The following MDM2 variants were observed in gnomAD, a reference collection of about 807,000 sequenced individuals.
MDM2 encodes the protein MDM2 proto-oncogene.
MDM2 carries 11 observed loss-of-function variants against 64.3 expected under a neutral mutation model. The ratio of observed to expected loss-of-function variants is 0.17; its 90% CI spans 0.11 to 0.28. The LOEUF (loss-of-function observed/expected upper bound fraction) is 0.28, where lower values mean the gene tolerates loss of function less well. Among genes scored for constraint, MDM2 ranks in the 10% least tolerant of loss-of-function variants. MDM2 has a pLI of 1.00. For synonymous variants in MDM2, 194 were observed against 192.9 expected (o/e 1.01, Z -0.05); for missense variants, 388 against 577.1 (o/e 0.67, Z 3.36).
At chr12:68,814,554 A>ATTTTTT in intron 3 of MDM2, 1 of 340,018 alleles carries the variant, frequency 2.9e-6, no homozygotes, top group Non-Finnish European at 5.7e-6. Flanking sequence ...TAAGAATAGA[A>ATTTTTT]TTTTTTTTTT....
At position 68,816,815 on chromosome 12, in the gene MDM2, CT is replaced by C. The variant is rs2136121360; in HGVS notation, c.184del (p.Tyr62IlefsTer7). On this transcript the variant is annotated frameshift_variant, in exon 4 of 11. Coordinates refer to ENST00000258149, the MANE Select transcript of MDM2 (RefSeq NM_002392.6). LOFTEE classifies it high-confidence loss of function. ...QKDTYTMKEV[L>X]FYLGQYIMTK... ...AGAAATCATATTTGTATTTCAGGTT[CT>C]TTTTTATCTTGGCCAGTATATTATG... is the stretch of plus-strand genomic sequence containing the variant. The C allele has an allele frequency of 6.4e-7, 1 of 1,571,876 alleles. No individual in the cohort carries two copies. The highest frequency in any genetic ancestry group is 8.6e-7 in the Non-Finnish European group (1 of 1,163,066).
At position 68,844,282 on chromosome 12, in the gene MDM2, T is replaced by G. The variant is rs1314030412; in HGVS notation, c.*4433T>G. 4.5e-6 allele frequency: 1 copy of G among 219,808 alleles called. No homozygotes were observed. Among genetic ancestry groups the G allele is most frequent in the Non-Finnish European group, 9.1e-6 (1 of 109,730 alleles). 13.6% of individuals were successfully genotyped at this position (219,808 alleles called of 1,614,324 possible). On this transcript the variant is annotated 3_prime_UTR_variant, in exon 11 of 11. Transcript: ENST00000258149. ...GGGTAACAAAAGGCACAAGTCTGAA[T>G]GTGTTTCTTTTTCTGGAATGGCCAT...
intron 2 of MDM2, among the ~76,000 whole-genome samples, chr12:68,812,048 C>T (rs2136111150): frequency 6.6e-6 from 1 of 152,254 alleles, no homozygotes; most frequent in East Asian, 1.9e-4. Context: ...ACCTGGCTTC[C>T]ATTACAGATT....
At chr12:68,826,671 A>G (rs1006370800) in intron 7 of MDM2, among the ~76,000 whole-genome samples, 10 of 151,292 alleles carry the variant, frequency 6.6e-5, no homozygotes, top group African/African-American at 2.4e-4. Context: ...AAAAGAAAAG[A>G]AAAAAAAGTC....
intron 7 of MDM2, chr12:68,828,187 A>G (rs1882492546): frequency 6.6e-6 from 1 of 152,304 alleles, no homozygotes; most frequent in Non-Finnish European, 1.5e-5. Context: ...CCATATGAGT[A>G]AATTAAACAC....
chr12:68,848,638 C>T (rs1457606514), downstream of MDM2: 1 of 152,170 alleles, frequency 6.6e-6, no homozygotes, highest in Non-Finnish European at 1.5e-5. Context: ...ACAAAAAAGG[C>T]CTTTTCTACC....
chr12:68,820,812 G>A (rs901424730), intron 5 of MDM2, among the ~76,000 whole-genome samples: 5 of 152,094 alleles, frequency 3.3e-5, no homozygotes, highest in South Asian at 2.1e-4. Flanking sequence ...TCCTACTTCC[G>A]TTTCTTAACT....
chr12:68,846,656 T>C (rs1490515730), downstream of MDM2: 1 of 152,190 alleles, frequency 6.6e-6, no homozygotes, highest in Non-Finnish European at 1.5e-5. Context: ...AAAAACTTGC[T>C]TTTTGGATTT....
At chr12:68,836,836 C>T in intron 10 of MDM2, 87 bp downstream of exon 10, 1 of 802,136 alleles carries the variant, frequency 1.2e-6, no homozygotes, top group Non-Finnish European at 2.0e-6. Context: ...CTGAAATGAA[C>T]TGATTTTTAT....
chr12:68,808,564 G>A, intron 1 of MDM2, 73 bp downstream of exon 1: 3 of 1,602,430 alleles, frequency 1.9e-6, no homozygotes, highest in Non-Finnish European at 2.6e-6. Flanking sequence ...CTGGTTCCCA[G>A]CCTCTGCCCG....
chr12:68,850,285 CAA>C (rs34162773), downstream of MDM2: 27 of 105,078 alleles, frequency 2.6e-4, no homozygotes, highest in East Asian at 5.6e-4. Context: ...GACTTCGTCC[CAA>C]AAAAAAAAAA....
rs564640759 is a variant in MDM2 at position 68,843,176 on chromosome 12, A to T, written c.*3327A>T. 8.9e-6 allele frequency: 2 copies of T among 224,400 alleles called. No homozygotes were observed. Among genetic ancestry groups the T allele is most frequent in the Non-Finnish European group, 8.9e-6 (1 of 112,644 alleles). The allele number at this position is 224,400 out of a possible 1,614,324, so 13.9% of individuals were successfully genotyped here. ...GTGTCTGTTAATTGCACACAAAACC[A>T]CTTTTAATGGGTACAGAGTTAAATT... On this transcript the variant is annotated 3_prime_UTR_variant, in exon 11 of 11. Transcript: ENST00000258149.
At chr12:68,847,608 C>G (rs577791118), downstream of MDM2, 1 of 151,498 alleles carries the variant, frequency 6.6e-6, no homozygotes, top group Non-Finnish European at 1.5e-5. Flanking sequence ...CGCCCGCCAC[C>G]GCGCCTGGCT....
At position 68,841,642 on chromosome 12, in the gene MDM2, T is replaced by C. The variant is rs1159821523; in HGVS notation, c.*1793T>C. ...CAACTCTAAGACACTTTAAAGTACC[T>C]TCTTGGCCTGGGTTACATGGTTCCC... On this transcript the variant is annotated 3_prime_UTR_variant, in exon 11 of 11. Coordinates refer to ENST00000258149, the MANE Select transcript of MDM2 (RefSeq NM_002392.6). 1.4e-5 allele frequency: 3 copies of C among 209,438 alleles called. No homozygotes were observed. The highest frequency in any genetic ancestry group is 2.9e-5 in the Non-Finnish European group (3 of 103,264). 13.0% of individuals were successfully genotyped at this position (209,438 alleles called of 1,614,324 possible).
At chr12:68,828,302 A>G (rs1316657417) in intron 7 of MDM2, 4 of 152,574 alleles carry the variant, frequency 2.6e-5, no homozygotes, top group African/African-American at 9.6e-5. Flanking sequence ...TTTATTAGAT[A>G]GATTAAATTG....
intron 8 of MDM2, among the ~76,000 whole-genome samples, chr12:68,833,149 AAT>A (rs57734852): frequency 0.2 from 12,993 of 66,270 alleles, 1,780 homozygotes; most frequent in Non-Finnish European, 0.25. Context: ...AAAAAAAAAA[AAT>A]ATATATATAT....
chr12:68,809,195 T>C lies in MDM2; in HGVS notation c.15-13T>C, dbSNP rs1366043668. ...GATTTCCAGTTTTCATCGTGTCTTT[T>C]TTTTCCTTGTAGGCAAATGTGCAAT... On this transcript the variant is annotated splice_polypyrimidine_tract_variant and intron_variant, in intron 1 of 10. Transcript: ENST00000258149. The C allele has an allele frequency of 1.9e-6, 3 of 1,610,220 alleles. No individual in the cohort carries two copies. The highest frequency in any genetic ancestry group is 1.7e-5 in the Admixed American group (1 of 58,904).
Position 68,823,672 on chromosome 12 carries a change from C to T in MDM2, c.359-691C>T, listed in dbSNP as rs192696815. 4.6e-5 allele frequency among the ~76,000 whole-genome samples: 7 copies of T among 152,320 alleles called. No individual in the cohort carries two copies. In the East Asian group the frequency reaches 1.3e-3, roughly 29 times the overall value. ...TATGTTTTGCTAGAGTGATTTGTCA[C>T]TCTTCTGCTTAAAATTACCATTTAG... On this transcript the variant is annotated intron_variant, in intron 5 of 10. Coordinates refer to ENST00000258149, the MANE Select transcript of MDM2 (RefSeq NM_002392.6).
intron 3 of MDM2, among the ~76,000 whole-genome samples, chr12:68,814,194 A>G (rs1293107827): frequency 2.0e-5 from 3 of 152,174 alleles, no homozygotes; most frequent in Admixed American, 6.6e-5. Flanking sequence ...CTGGGATTAT[A>G]GGCACCTGCC....
Sources: gnomAD v4.1 joint callset for allele counts (sites outside exome capture counted in the v4.1 genomes callset) on GRCh38, gnomAD v4.1.1 for gene constraint, MANE v1.5 for transcripts, NCBI Gene and HGNC (gene_info 2026-07-23, HGNC 2026-07-21) for gene names.